The following EMC1 variants were observed in gnomAD, a reference collection of about 807,000 sequenced individuals.
The protein encoded by EMC1 is KIAA0090.
EMC1 carries 103 observed loss-of-function variants against 128.8 expected under a neutral mutation model. The ratio of observed to expected loss-of-function variants is 0.80; its 90% confidence interval spans 0.68 to 0.94. The LOEUF (loss-of-function observed/expected upper bound fraction) is 0.94. Among genes scored for constraint, EMC1 ranks in the 40% least tolerant of loss-of-function variants. The pLI is 0.00. For missense variants in EMC1, 1,083 were observed against 1,250.6 expected, an observed-to-expected ratio of 0.87 and a Z score of 2.02; for synonymous variants, 442 against 490.4, an observed-to-expected ratio of 0.90 and a Z score of 1.30.
At chr1:19,239,504 C>T (rs16862639) in intron 8 of EMC1, among the ~76,000 whole-genome samples, 17,974 of 152,160 alleles carry the variant, frequency 0.12, 1,156 homozygotes, top group African/African-American at 0.16. Context: ...CTACCTCCAA[C>T]GCAGGCACAG....
At chr1:19,247,135 T>A (rs1046234865) in intron 1 of EMC1, among the ~76,000 whole-genome samples, 2 of 152,248 alleles carry the variant, frequency 1.3e-5, no homozygotes, top group Non-Finnish European at 2.9e-5. Context: ...TCAATTTCTA[T>A]TGTTTAAGCC....
Position 19,231,169 on chromosome 1 carries a change from G to A in EMC1, c.1944+92C>T, listed in dbSNP as rs930986358. 7.7e-6 allele frequency: 11 copies of A among 1,423,180 alleles called. 1 individual carries two copies. Among genetic ancestry groups the A allele is most frequent in the Middle Eastern group, 4.3e-4 (2 of 4,684 alleles). 88.2% of individuals were successfully genotyped at this position (1,423,180 alleles called of 1,614,324 possible). A position where few individuals can be genotyped will look rare whatever the true frequency, so the allele number is the denominator to read the frequency against. ...AGAGCCCAAACACGTGCTGGGTGCA[G>A]AGAGCACTCCATCTCCGGGCCGCTG... On this transcript the variant is annotated intron_variant, in intron 16 of 22. Transcript: ENST00000477853.
Position 19,237,158 on chromosome 1 carries a change from A to G in EMC1, c.1293T>C (p.Leu431=). 6.2e-7 allele frequency: 1 copy of G among 1,613,770 alleles called. No individual in the cohort carries two copies. Among genetic ancestry groups the G allele is most frequent in the African/African-American group, 1.3e-5 (1 of 74,982 alleles). The change falls in exon 12 of 23, where the codon CTT becomes CTC. Residue 431 remains leucine, a synonymous_variant. Coordinates refer to ENST00000477853, the MANE Select transcript of EMC1 (RefSeq NM_015047.3). ...TCTACTTACCCAACTGCTGCAGGAA[A>G]AGTAGCAGATGATCCTCTGTCTGCA... The part of the protein sequence containing the change: ...ALVQTEDHLL[L]FLQQLAGKVV...
intron 1 of EMC1, among the ~76,000 whole-genome samples, chr1:19,247,950 G>A (rs1287541958): frequency 6.6e-6 from 1 of 151,984 alleles, no homozygotes; most frequent in Non-Finnish European, 1.5e-5. Flanking sequence ...CTTGAACCCG[G>A]GAGGTGGAGG....
In EMC1 at chr1:19,233,073, T is replaced by A; in HGVS notation, c.1495A>T (p.Thr499Ser). The A allele has an allele frequency of 6.2e-7, 1 of 1,614,162 alleles. No individual in the cohort carries two copies. The highest frequency in any genetic ancestry group is 8.5e-7 in the Non-Finnish European group (1 of 1,180,020). Residue 499 changes from threonine to serine, a missense_variant, in exon 14 of 23, where the codon ACT (threonine) becomes TCT (serine). Physicochemically the swap from Thr to Ser is moderately conservative, Grantham distance 58. Around this residue, in one of 3 missense-constraint regions of EMC1, gnomAD observed 527 missense variants for 644.1 expected, o/e 0.82. Coordinates refer to ENST00000477853, the MANE Select transcript of EMC1 (RefSeq NM_015047.3). ...TAAAACATTTTCCAGAGGTGGGAAGTCCATGCTTGCAGCAGGATAAGCTGA... is the reference window on the plus strand; with the variant it reads ...TAAAACATTTTCCAGAGGTGGGAAGACCATGCTTGCAGCAGGATAAGCTGA... ...SSQLILLQAW[T>S]SHLWKMFYDA...
Position 19,246,064 on chromosome 1 carries a change from C to T in EMC1, c.96-1034G>A, listed in dbSNP as rs866660975. On this transcript the variant is annotated intron_variant, in intron 1 of 22. Coordinates refer to ENST00000477853, the MANE Select transcript of EMC1 (RefSeq NM_015047.3). ...AGGCTGCAGTGAGCCGAGATCACAC[C>T]ATTGCACTCCAACCTGACAAGACTC... 3.3e-5 allele frequency among the ~76,000 whole-genome samples: 5 copies of T among 152,234 alleles called. No homozygotes were observed. The South Asian group carries it at 8.3e-4, about 25-fold the overall frequency.
At position 19,228,253 on chromosome 1, in the gene EMC1, C is replaced by T. The variant is rs192047174; in HGVS notation, c.2065-803G>A. ...TAAAGCCAGTAGGAAAGGAGGCGAA[C>T]GCTCAATAGTATCCCGTTGTTTATC... On this transcript the variant is annotated intron_variant, in intron 17 of 22. Coordinates refer to ENST00000477853, the MANE Select transcript of EMC1 (RefSeq NM_015047.3). 4.5e-4 allele frequency among the ~76,000 whole-genome samples: 68 copies of T among 150,784 alleles called. 1 individual carries two copies. The East Asian group carries it at 0.01, about 23-fold the overall frequency.
intron 12 of EMC1, 99 bp downstream of exon 12, chr1:19,237,043 T>A: frequency 2.8e-6 from 2 of 705,958 alleles, no homozygotes; most frequent in Admixed American, 1.9e-5. Flanking sequence ...TCCACTTGAA[T>A]CTCTTCCAGA....
At chr1:19,226,476 A>AT (rs897697607) in intron 18 of EMC1, among the ~76,000 whole-genome samples, 3 of 151,660 alleles carry the variant, frequency 2.0e-5, no homozygotes, top group East Asian at 1.9e-4. Context: ...TTAAAAAAAA[A>AT]TTTTTTTTTG....
At position 19,245,007 on chromosome 1, in the gene EMC1, A is replaced by C; in HGVS notation, c.119T>G (p.Val40Gly). The C allele has an allele frequency of 6.2e-7, 1 of 1,613,960 alleles. No homozygotes were observed. The highest frequency in any genetic ancestry group is 8.5e-7 in the Non-Finnish European group (1 of 1,179,896). The change falls in exon 2 of 23, where the codon GTC becomes GGC. Residue 40 changes from valine (V) to glycine (G), a missense_variant. Val to Gly is a moderately radical substitution (Grantham distance 109, BLOSUM62 -3). Around this residue, in one of 3 missense-constraint regions of EMC1, gnomAD observed 544 missense variants for 572.4 expected, o/e 0.95. Transcript: ENST00000477853. ...GGAAAATTCCAAGGAGGCAAACTTG[A>C]CCTTCCCAACATATTGCTGTCTCCT... ...FDWRQQYVGK[V>G]KFASLEFSPG...
At position 19,240,226 on chromosome 1, in the gene EMC1, G is replaced by A. The variant is rs2093596570; in HGVS notation, c.786+71C>T. Reference sequence around the variant, plus strand: ...GAGTCTAGGAGAAAGACCCTCCAGGGGAATCATGCCAAACTTTCTACTCCC... The same window carrying A: ...GAGTCTAGGAGAAAGACCCTCCAGGAGAATCATGCCAAACTTTCTACTCCC... On this transcript the variant is annotated intron_variant, in intron 7 of 22. Coordinates refer to ENST00000477853, the MANE Select transcript of EMC1 (RefSeq NM_015047.3). The A allele has an allele frequency of 3.2e-6, 5 of 1,583,818 alleles. No homozygotes were observed. In the Admixed American group the frequency reaches 5.0e-5, roughly 16 times the overall value.
chr1:19,235,761 C>T (rs2093558466), intron 12 of EMC1, among the ~76,000 whole-genome samples: 1 of 151,712 alleles, frequency 6.6e-6, no homozygotes, highest in Non-Finnish European at 1.5e-5. Context: ...AGCATGGTGG[C>T]GAGCGCCTGT....
chr1:19,226,752 T>G (rs1046331587), intron 18 of EMC1, among the ~76,000 whole-genome samples: 75 of 139,746 alleles, frequency 5.4e-4, no homozygotes, highest in Middle Eastern at 7.2e-3. Flanking sequence ...TTTTTGGGGG[T>G]GGTAAAGACA....
rs75781525 is a variant in EMC1, at chr1:19,235,108, C to T, written c.1432+22G>A. The T allele has an allele frequency of 4.6e-3, 7,414 of 1,611,334 alleles. 305 individuals are homozygous for T. The African/African-American group carries it at 0.087, about 19-fold the overall frequency. ...ACTGGCCCCTCCAGCAACTCTGCAG[C>T]TCCAACCTCTTAGGTTCATACCTGC... On this transcript the variant is annotated intron_variant, in intron 13 of 22. Coordinates refer to ENST00000477853, the MANE Select transcript of EMC1 (RefSeq NM_015047.3).
chr1:19,242,481 C>A lies in EMC1; in HGVS notation c.381-8G>T. On this transcript the variant is annotated splice_region_variant and splice_polypyrimidine_tract_variant and intron_variant, in intron 4 of 22. Coordinates refer to ENST00000477853, the MANE Select transcript of EMC1 (RefSeq NM_015047.3). ...AGCCCAAGTGCCTGGAAACTGAACA[C>A]AAGTACAGGTTGAGAGCAGCCCACA... is the stretch of plus-strand genomic sequence containing the variant. 6.2e-7 allele frequency: 1 copy of A among 1,614,022 alleles called. No individual in the cohort carries two copies. The highest frequency in any genetic ancestry group is 8.5e-7 in the Non-Finnish European group (1 of 1,179,996).
chr1:19,250,452 A>G (rs2093653510), intron 1 of EMC1, among the ~76,000 whole-genome samples: 1 of 152,222 alleles, frequency 6.6e-6, no homozygotes, highest in African/African-American at 2.4e-5. Flanking sequence ...ACATACACAT[A>G]TGACATTGTG....
chr1:19,239,401 T>C, intron 8 of EMC1, 99 bp from the exon 9 acceptor site: 1 of 1,024,074 alleles, frequency 9.8e-7, no homozygotes, highest in South Asian at 1.4e-5. Context: ...GGCCTTAGAG[T>C]TGAAAGTGCT....
chr1:19,226,909 T>G (rs373015281), intron 18 of EMC1, among the ~76,000 whole-genome samples: 2 of 151,958 alleles, frequency 1.3e-5, no homozygotes, highest in Admixed American at 1.3e-4. Flanking sequence ...TGCCTGTGGT[T>G]CCAATTACTT....
chr1:19,246,464 T>A (rs2151965340), intron 1 of EMC1, among the ~76,000 whole-genome samples: 1 of 151,976 alleles, frequency 6.6e-6, no homozygotes, highest in Admixed American at 6.6e-5. Flanking sequence ...AGAAAATGAG[T>A]GGGTGGGGGG....
Sources: gnomAD v4.1 joint callset for allele counts (sites outside exome capture counted in the v4.1 genomes callset) on GRCh38, gnomAD v4.1.1 for gene constraint, gnomAD v4.1.1 regional missense constraint, MANE v1.5 for transcripts, NCBI Gene and HGNC (gene_info 2026-07-23, HGNC 2026-07-21) for gene names.